The following SLC17A8 variants were observed in gnomAD, a reference collection of about 807,000 sequenced individuals.
SLC17A8 encodes vesicular glutamate transporter 3.
Under a neutral mutation model 58.0 loss-of-function variants are expected in SLC17A8, and 31 were observed. The ratio of observed to expected loss-of-function variants is 0.53; its 90% CI spans 0.40 to 0.72. SLC17A8 has a LOEUF of 0.72. SLC17A8 is among the 30% of genes least tolerant of loss of function. The pLI, the probability that SLC17A8 is intolerant of heterozygous loss-of-function variation, is 0.00. For synonymous variants in SLC17A8, 228 were observed against 249.0 expected (o/e 0.92, Z 0.79); for missense variants, 655 against 727.8 (o/e 0.90, Z 1.15).
chr12:100,386,201 A>AC (rs1952673246), intron 2 of SLC17A8, among the ~76,000 whole-genome samples: 1 of 152,052 alleles, frequency 6.6e-6, no homozygotes, highest in South Asian at 2.1e-4. Flanking sequence ...TTTGGGGGCC[A>AC]TTTTTTGGCC....
At position 100,418,011 on chromosome 12, in the gene SLC17A8, G is replaced by T; in HGVS notation, c.1298-18G>T. The T allele has an allele frequency of 6.2e-7, 1 of 1,614,168 alleles. No individual in the cohort carries two copies. The highest frequency in any genetic ancestry group is 8.5e-7 in the Non-Finnish European group (1 of 1,180,022). On this transcript the variant is annotated intron_variant, in intron 10 of 11. Transcript: ENST00000323346. ...TTCTGTTCTTGACTCTGATTTTGAGGTTTTGGCTTCACTGTAGGTTTTAAT... is the reference window on the plus strand; with the variant it reads ...TTCTGTTCTTGACTCTGATTTTGAGTTTTTGGCTTCACTGTAGGTTTTAAT...
intron 9 of SLC17A8, among the ~76,000 whole-genome samples, chr12:100,411,533 T>C (rs190678410): frequency 6.6e-6 from 1 of 152,116 alleles, no homozygotes; most frequent in Admixed American, 6.5e-5. Context: ...GAGAATTGAT[T>C]TGGGCATGTT....
In SLC17A8 at chr12:100,402,605, AC is replaced by A. The variant is rs1952799726; in HGVS notation, c.917del (p.Pro306HisfsTer30). ...ANVVSLSKFS[T>X]PWKRFFTSLP... is the part of the protein sequence containing the mutation. ...TATTTTTACTCCCTAGAAATTTAGTACCCCATGGAAAAGATTTTTCACATCT... is the reference window on the plus strand; with the variant it reads ...TATTTTTACTCCCTAGAAATTTAGTACCCATGGAAAAGATTTTTCACATCT... On this transcript the variant is annotated frameshift_variant, in exon 8 of 12. Coordinates refer to ENST00000323346, the MANE Select transcript of SLC17A8 (RefSeq NM_139319.3). LOFTEE classifies it high-confidence loss of function. The A allele has an allele frequency of 6.2e-7, 1 of 1,613,784 alleles. No homozygotes were observed. The highest frequency in any genetic ancestry group is 1.3e-5 in the African/African-American group (1 of 74,908).
At chr12:100,376,524 C>T (rs932277794) in intron 1 of SLC17A8, among the ~76,000 whole-genome samples, 1 of 152,196 alleles carries the variant, frequency 6.6e-6, no homozygotes, top group African/African-American at 2.4e-5. Flanking sequence ...TCATATCTTG[C>T]CTCTACCCAC....
At chr12:100,406,367 G>C (rs527696467) in intron 9 of SLC17A8, among the ~76,000 whole-genome samples, 1 of 152,260 alleles carries the variant, frequency 6.6e-6, no homozygotes, top group Admixed American at 6.5e-5. Flanking sequence ...AATGTGGCCT[G>C]TGTGAGAATA....
chr12:100,376,923 C>T (rs905205742), intron 1 of SLC17A8, among the ~76,000 whole-genome samples: 6 of 152,132 alleles, frequency 3.9e-5, no homozygotes, highest in Non-Finnish European at 2.9e-5. Flanking sequence ...GATTCTCATG[C>T]CTCAGCCTCC....
chr12:100,404,052 A>G lies in SLC17A8; in HGVS notation c.1068A>G (p.Ser356=), dbSNP rs768060806. The part of the protein sequence containing the change: ...GFAISKVGLL[S]AVPHMVMTIV... ...TTCCCTTCCAGGTGGGTCTCTTGTC[A>G]GCAGTCCCACACATGGTTATGACAA... Residue 356 remains serine (S), a synonymous_variant, in exon 9 of 12, where the codon TCA becomes TCG. Coordinates refer to ENST00000323346, the MANE Select transcript of SLC17A8 (RefSeq NM_139319.3). 3 of 1,614,174 alleles carry G rather than the reference A, an allele frequency of 1.9e-6. No homozygotes were observed. The highest frequency in any genetic ancestry group is 1.1e-5 in the South Asian group (1 of 91,088).
chr12:100,412,914 A>G (rs753265469), intron 10 of SLC17A8, 34 bp downstream of exon 10: 1 of 1,505,054 alleles, frequency 6.6e-7, no homozygotes, highest in East Asian at 2.3e-5. Context: ...GATCTTGACT[A>G]TAGATTCAAC....
chr12:100,381,568 C>CAGACAG (rs1555326029), intron 2 of SLC17A8, among the ~76,000 whole-genome samples: 3 of 148,916 alleles, frequency 2.0e-5, no homozygotes, highest in Non-Finnish European at 3.0e-5. Context: ...AAGAAAGAGA[C>CAGACAG]AGAGAGAGAG....
rs539140164 is a variant in SLC17A8, at chr12:100,360,041, G to A, written c.101+2549G>A. On this transcript the variant is annotated intron_variant, in intron 1 of 11. Coordinates refer to ENST00000323346, the MANE Select transcript of SLC17A8 (RefSeq NM_139319.3). Reference sequence around the variant, plus strand: ...TAATCACAGTGTTCCTCACAGTCAGGGGAGTGGCAATTGCACAGGGAAGCA... The same window carrying A: ...TAATCACAGTGTTCCTCACAGTCAGAGGAGTGGCAATTGCACAGGGAAGCA... Among the ~76,000 whole-genome samples the A allele has an allele frequency of 2.0e-5, 3 of 152,292 alleles. No individual in the cohort carries two copies. In the East Asian group the frequency reaches 5.8e-4, roughly 29 times the overall value.
At chr12:100,417,856 G>A (rs1429554385) in intron 10 of SLC17A8, among the ~76,000 whole-genome samples, 173 bp from the exon 11 acceptor site, 1 of 152,222 alleles carries the variant, frequency 6.6e-6, no homozygotes, top group Non-Finnish European at 1.5e-5. Flanking sequence ...TTGTCTACCA[G>A]TGCTGCTTTG....
At chr12:100,370,574 G>A (rs1002672223) in intron 1 of SLC17A8, among the ~76,000 whole-genome samples, 4 of 149,400 alleles carry the variant, frequency 2.7e-5, no homozygotes, top group African/African-American at 1.0e-4. Context: ...TGGGGTTACA[G>A]GCATGAGCCA....
At chr12:100,408,088 G>A (rs1952839690) in intron 9 of SLC17A8, among the ~76,000 whole-genome samples, 1 of 152,204 alleles carries the variant, frequency 6.6e-6, no homozygotes, top group South Asian at 2.1e-4. Context: ...AAATGATGAA[G>A]CACTGGTATG....
At chr12:100,391,652 T>G (rs1244843463) in intron 3 of SLC17A8, among the ~76,000 whole-genome samples, 1 of 152,132 alleles carries the variant, frequency 6.6e-6, no homozygotes, top group Non-Finnish European at 1.5e-5. Flanking sequence ...AAATTTACCT[T>G]GCAACTCTTC....
intron 2 of SLC17A8, 149 bp from the exon 3 acceptor site, chr12:100,390,852 C>CAAGTATGTAAGATGCCCTCCAT: frequency 1.5e-6 from 1 of 680,348 alleles, no homozygotes; most frequent in East Asian, 2.7e-5. Flanking sequence ...CTGCTATCCC[C>CAAGTATGTAAGATGCCCTCCAT]AAGTATGTAA....
At chr12:100,375,405 T>G (rs2135980066) in intron 1 of SLC17A8, among the ~76,000 whole-genome samples, 1 of 152,268 alleles carries the variant, frequency 6.6e-6, no homozygotes, top group South Asian at 2.1e-4. Flanking sequence ...ACTTTCAGAC[T>G]ATATTACAAT....
intron 1 of SLC17A8, among the ~76,000 whole-genome samples, chr12:100,373,639 C>T (rs1175972751): frequency 7.3e-6 from 1 of 136,994 alleles, no homozygotes; most frequent in Admixed American, 8.2e-5. Flanking sequence ...GGCTGGAGTG[C>T]AATGGCACCA....
In SLC17A8 at chr12:100,367,901, G is replaced by A. The variant is rs556859282; in HGVS notation, c.101+10409G>A. Among the ~76,000 whole-genome samples the A allele has an allele frequency of 2.6e-5, 4 of 152,206 alleles. No individual in the cohort carries two copies. In the South Asian group the frequency reaches 8.3e-4, roughly 32 times the overall value. ...CATGGTGGCCATATCCTGTATCTCT[G>A]TGTATAATGTAATAATGACTAGAAA... On this transcript the variant is annotated intron_variant, in intron 1 of 11. Coordinates refer to ENST00000323346, the MANE Select transcript of SLC17A8 (RefSeq NM_139319.3).
chr12:100,375,233 C>T (rs1374765803), intron 1 of SLC17A8, among the ~76,000 whole-genome samples: 2 of 151,526 alleles, frequency 1.3e-5, no homozygotes, highest in South Asian at 2.1e-4. Context: ...AGTGATCTTC[C>T]TGCCTCCGCC....
Sources: gnomAD v4.1 joint callset for allele counts (sites outside exome capture counted in the v4.1 genomes callset) on GRCh38, gnomAD v4.1.1 for gene constraint, MANE v1.5 for transcripts, NCBI Gene and HGNC (gene_info 2026-07-23, HGNC 2026-07-21) for gene names.